The following GLIS1 variants were observed in gnomAD, a reference collection of about 807,000 sequenced individuals.
GLIS1 encodes the protein zinc finger protein GLIS1.
In GLIS1, 24 loss-of-function variants were observed where a neutral mutation model predicts 63.8. The observed-to-expected ratio is 0.38, with a 90% CI of 0.27 to 0.53. GLIS1 has a LOEUF of 0.53. Ranked by LOEUF, GLIS1 falls within the 20% of genes least tolerant of loss-of-function variation. GLIS1 has a pLI of 0.85. For synonymous variants in GLIS1, 450 were observed against 482.5 expected (o/e 0.93, Z 0.88); for missense variants, 1,036 against 1,074.1 (o/e 0.96, Z 0.50).
Position 53,560,335 on chromosome 1 carries a change from C to G in GLIS1, c.1321-30383G>C, listed in dbSNP as rs974048999. Among the ~76,000 whole-genome samples the G allele has an allele frequency of 2.6e-5, 4 of 152,254 alleles. No individual in the cohort carries two copies. The highest frequency in any genetic ancestry group is 6.8e-3 in the Middle Eastern group (2 of 294). ...AGCCCTAGGGGTTGCTGGGCCTGCC[C>G]CTGCCCAGCAACTGAGTGCCCAACC... On this transcript the variant is annotated intron_variant, in intron 4 of 10. Coordinates refer to ENST00000628545, the MANE Select transcript of GLIS1 (RefSeq NM_001367484.1). This position sits in a 1 kb window ranked among gnomAD's most constrained non-coding sequence, Gnocchi z 4.4.
intron 2 of GLIS1, chr1:53,688,940 C>G (rs1646372110): frequency 6.6e-6 from 1 of 152,230 alleles, no homozygotes; most frequent in Admixed American, 6.5e-5. Flanking sequence ...CAGCCACACC[C>G]CCAGGCCAGA....
intron 2 of GLIS1, among the ~76,000 whole-genome samples, chr1:53,675,562 G>A (rs1196626368): frequency 6.6e-6 from 1 of 152,190 alleles, no homozygotes; most frequent in African/African-American, 2.4e-5. Context: ...ACCTGTCTGG[G>A]GAAATGTAAG....
At chr1:53,695,736 C>T (rs535137546) in intron 2 of GLIS1, among the ~76,000 whole-genome samples, 2 of 152,138 alleles carry the variant, frequency 1.3e-5, no homozygotes, top group Non-Finnish European at 2.9e-5. Context: ...TGTGCCGCAC[C>T]GGGACCCAAA....
intron 7 of GLIS1, among the ~76,000 whole-genome samples, chr1:53,516,533 C>T (rs891344419): frequency 6.6e-6 from 1 of 151,530 alleles, no homozygotes; most frequent in Admixed American, 6.6e-5. Context: ...ACATGGAAAC[C>T]GTTAAAAAAA....
intron 4 of GLIS1, among the ~76,000 whole-genome samples, chr1:53,588,018 C>T (rs1203950989): frequency 6.6e-6 from 1 of 152,266 alleles, no homozygotes; most frequent in African/African-American, 2.4e-5. Context: ...GTCCTTTCCC[C>T]ATCTATAAAA....
chr1:53,729,405 C>T (rs1646837121), intron 2 of GLIS1, among the ~76,000 whole-genome samples: 2 of 152,036 alleles, frequency 1.3e-5, no homozygotes, highest in South Asian at 2.1e-4. Flanking sequence ...TTGGCCTCAG[C>T]GTGGGATTTG....
intron 2 of GLIS1, among the ~76,000 whole-genome samples, chr1:53,616,208 G>A (rs1645481072): frequency 6.6e-6 from 1 of 152,122 alleles, no homozygotes; most frequent in East Asian, 1.9e-4. Flanking sequence ...CCCCATATAA[G>A]CCCCTGCCCG....
chr1:53,542,218 G>A (rs1289349276), intron 4 of GLIS1, among the ~76,000 whole-genome samples: 1 of 152,244 alleles, frequency 6.6e-6, no homozygotes, highest in Non-Finnish European at 1.5e-5. Context: ...AGGGGTCCGT[G>A]TGGAATAGCA....
At chr1:53,693,411 G>A (rs1646429055) in intron 2 of GLIS1, among the ~76,000 whole-genome samples, 1 of 152,204 alleles carries the variant, frequency 6.6e-6, no homozygotes, top group Admixed American at 6.5e-5. Context: ...GCCCTCGGGG[G>A]CAGGCATCTG....
intron 6 of GLIS1, among the ~76,000 whole-genome samples, 184 bp from the exon 7 acceptor site, chr1:53,520,950 A>T (rs923766877): frequency 2.6e-5 from 4 of 152,256 alleles, no homozygotes; most frequent in Non-Finnish European, 5.9e-5. Flanking sequence ...TTGTTAGTCC[A>T]GGTCCTTTGA....
At position 53,709,419 on chromosome 1, in the gene GLIS1, C is replaced by CATATATATAT. The variant is rs1389185484; in HGVS notation, c.259+28386_259+28387insATATATATAT. On this transcript the variant is annotated intron_variant, in intron 2 of 10. Coordinates refer to ENST00000628545, the MANE Select transcript of GLIS1 (RefSeq NM_001367484.1). ...ACATATACATATATATATACACACACACACACACACACACACACACACACT... is the reference window on the plus strand; with the variant it reads ...ACATATACATATATATATACACACACATATATATATACACACACACACACACACACACACT... Among the ~76,000 whole-genome samples, 931 of 123,902 alleles carry CATATATATAT rather than the reference C, an allele frequency of 7.5e-3. 16 individuals carry two copies. Among genetic ancestry groups the CATATATATAT allele is most frequent in the African/African-American group, 0.029 (844 of 28,638 alleles). 81.3% of individuals were successfully genotyped at this position (123,902 alleles called of 152,430 possible). A position where few individuals can be genotyped will look rare whatever the true frequency, so the allele number is the denominator to read the frequency against.
At chr1:53,537,386 C>T (rs1051302074) in intron 4 of GLIS1, among the ~76,000 whole-genome samples, 5 of 152,228 alleles carry the variant, frequency 3.3e-5, no homozygotes, top group Non-Finnish European at 7.3e-5. Context: ...TCTTCTCTCC[C>T]TCTGGCTCCT....
At chr1:53,528,022 G>T (rs926350125) in intron 5 of GLIS1, among the ~76,000 whole-genome samples, 9 of 152,178 alleles carry the variant, frequency 5.9e-5, no homozygotes, top group African/African-American at 1.9e-4. Context: ...AGGCACGGGA[G>T]GGTAGGGAGA....
At chr1:53,660,225 C>G (rs1340625556) in intron 2 of GLIS1, among the ~76,000 whole-genome samples, 1 of 152,164 alleles carries the variant, frequency 6.6e-6, no homozygotes, top group East Asian at 1.9e-4. Flanking sequence ...TTCCATCTTG[C>G]AGACCCTTGC....
At chr1:53,637,998 C>T (rs1164158304) in intron 2 of GLIS1, among the ~76,000 whole-genome samples, 1 of 152,174 alleles carries the variant, frequency 6.6e-6, no homozygotes, top group Non-Finnish European at 1.5e-5. Context: ...AGATGTTGGC[C>T]CCTGCAGGCC....
chr1:53,553,110 A>C (rs1201469112), intron 4 of GLIS1, among the ~76,000 whole-genome samples: 1 of 152,190 alleles, frequency 6.6e-6, no homozygotes, highest in African/African-American at 2.4e-5. Context: ...CTGGCTGAGA[A>C]TGGCTCGTCC....
Position 53,506,898 on chromosome 1 carries a change from G to C in GLIS1, c.2231-122C>G, listed in dbSNP as rs1194707846. The C allele has an allele frequency of 3.0e-6, 3 of 1,015,260 alleles. No homozygotes were observed. In the African/African-American group the frequency reaches 4.9e-5, roughly 16 times the overall value. 62.9% of individuals were successfully genotyped at this position (1,015,260 alleles called of 1,614,324 possible). A position where few individuals can be genotyped will look rare whatever the true frequency, so the allele number is the denominator to read the frequency against. ...ATCCCCTCACAGTGTCCCGTCGGTG[G>C]GGCCTGCTTGGAGCCCCCAACTTTT... On this transcript the variant is annotated intron_variant, in intron 10 of 10. Transcript: ENST00000628545.
At chr1:53,644,752 G>A (rs6657679) in intron 2 of GLIS1, among the ~76,000 whole-genome samples, 74,435 of 151,978 alleles carry the variant, frequency 0.49, 21,473 homozygotes, top group Non-Finnish European at 0.63. Context: ...GGGGGGCCCC[G>A]GGGTCCGGCA....
chr1:53,506,512 C>T lies in GLIS1; in HGVS notation c.*107G>A, dbSNP rs569908284. The T allele has an allele frequency of 4.7e-5, 58 of 1,227,292 alleles. No homozygotes were observed. The highest frequency in any genetic ancestry group is 8.9e-5 in the African/African-American group (6 of 67,062). The allele number at this position is 1,227,292 out of a possible 1,614,324, so 76.0% of individuals were successfully genotyped here. On this transcript the variant is annotated 3_prime_UTR_variant, in exon 11 of 11. Transcript: ENST00000628545. Reference sequence around the variant, plus strand: ...CCCCTGGGTCATGGCCTGGCTGTTCCGGCTGTGGCCTGGCACTCCTGCTAG... The same window carrying T: ...CCCCTGGGTCATGGCCTGGCTGTTCTGGCTGTGGCCTGGCACTCCTGCTAG...
Sources: allele counts gnomAD v4.1 joint callset (sites outside exome capture counted in the v4.1 genomes callset), GRCh38; gene constraint gnomAD v4.1.1; non-coding constraint Gnocchi (gnomAD v3.1); transcripts MANE v1.5; gene names NCBI Gene and HGNC (gene_info 2026-07-23, HGNC 2026-07-21).